TBX5: variants seen among roughly 807,000 people sequenced by gnomAD.
TBX5 encodes the protein T-box transcription factor TBX5.
TBX5 carries 8 observed loss-of-function variants against 51.1 expected under a neutral mutation model. The observed-to-expected ratio is 0.16, with a 90% CI of 0.09 to 0.28. The LOEUF is 0.28. Among genes scored for constraint, TBX5 ranks in the 10% least tolerant of loss-of-function variants. The pLI, the probability that TBX5 is intolerant of heterozygous loss-of-function variation, is 1.00. For missense variants in TBX5, 589 were observed against 671.7 expected, an observed-to-expected ratio of 0.88 and a Z score of 1.36; for synonymous variants, 302 against 266.4, an observed-to-expected ratio of 1.13 and a Z score of -1.30.
rs1868725992 is a variant in TBX5, at chr12:114,354,017, G to C, written c.*1515C>G. On this transcript the variant is annotated 3_prime_UTR_variant, in exon 9 of 9. Coordinates refer to ENST00000405440, the MANE Select transcript of TBX5 (RefSeq NM_181486.4). ...ACTTAATCCTCACCCTCCCCCCTTA[G>C]CAACGTAAAGAGACATAATCGCATA... The C allele has an allele frequency of 6.6e-6, 1 of 152,380 alleles. No homozygotes were observed. Among genetic ancestry groups the C allele is most frequent in the Non-Finnish European group, 1.5e-5 (1 of 68,010 alleles). 9.4% of individuals were successfully genotyped at this position (152,380 alleles called of 1,614,324 possible).
intron 7 of TBX5, among the ~76,000 whole-genome samples, chr12:114,368,903 G>A (rs1456023235): frequency 2.0e-5 from 3 of 151,936 alleles, no homozygotes; most frequent in Admixed American, 2.0e-4. Context: ...GGAGCCATCC[G>A]AGCAGCCGCA....
Position 114,399,983 on chromosome 12 carries a change from G to A in TBX5, c.243-351C>T, listed in dbSNP as rs150438802. 5.6e-3 allele frequency among the ~76,000 whole-genome samples: 859 copies of A among 152,312 alleles called. 3 individuals are homozygous for A. The highest frequency in any genetic ancestry group is 8.9e-3 in the Non-Finnish European group (605 of 68,040). On this transcript the variant is annotated intron_variant, in intron 3 of 8. Coordinates refer to ENST00000405440, the MANE Select transcript of TBX5 (RefSeq NM_181486.4). ...AGCCAGACACCTATTATTAATATTT[G>A]TGGGGAGAGGAGGCTTATTAGGTAC...
At chr12:114,372,479 AT>A (rs35549331) in intron 7 of TBX5, among the ~76,000 whole-genome samples, 19,530 of 144,408 alleles carry the variant, frequency 0.14, 1,395 homozygotes, top group East Asian at 0.36. Flanking sequence ...CAATAGTTGT[AT>A]TTTTTTTTTT....
At chr12:114,356,370 G>A (rs1453119703) in intron 8 of TBX5, among the ~76,000 whole-genome samples, 2 of 152,134 alleles carry the variant, frequency 1.3e-5, no homozygotes, top group Non-Finnish European at 2.9e-5. Flanking sequence ...TTCCTACAAA[G>A]GGCAGTGTTG....
intron 7 of TBX5, among the ~76,000 whole-genome samples, chr12:114,372,537 G>C (rs1004695978): frequency 1.3e-5 from 2 of 151,534 alleles, no homozygotes; most frequent in Non-Finnish European, 2.9e-5. Context: ...TTTTGATCTG[G>C]CCTCAAGTGA....
chr12:114,404,376 A>G (rs1419530860), intron 1 of TBX5, among the ~76,000 whole-genome samples: 1 of 152,198 alleles, frequency 6.6e-6, no homozygotes, highest in African/African-American at 2.4e-5. Flanking sequence ...TTTCTTCGCC[A>G]AATTACAAGA....
intron 8 of TBX5, among the ~76,000 whole-genome samples, chr12:114,362,522 T>A (rs1330799063): frequency 3.9e-5 from 6 of 152,012 alleles, no homozygotes; most frequent in Admixed American, 1.3e-4. Context: ...CCCTCACACC[T>A]CCCCCTTCTC....
chr12:114,366,088 C>T lies in TBX5; in HGVS notation c.982+77G>A, dbSNP rs538927664. ...AAATAAAGTAAATAAATGAATACTCCTCACCCCCTCACCCCCAACCCAAGG... is the reference window on the plus strand; with the variant it reads ...AAATAAAGTAAATAAATGAATACTCTTCACCCCCTCACCCCCAACCCAAGG... On this transcript the variant is annotated intron_variant, in intron 8 of 8. Coordinates refer to ENST00000405440, the MANE Select transcript of TBX5 (RefSeq NM_181486.4). 3.8e-5 allele frequency: 53 copies of T among 1,397,408 alleles called. No individual in the cohort carries two copies. The South Asian group carries it at 5.2e-4, about 14-fold the overall frequency. 86.6% of individuals were successfully genotyped at this position (1,397,408 alleles called of 1,614,324 possible). A position where few individuals can be genotyped will look rare whatever the true frequency, so the allele number is the denominator to read the frequency against.
chr12:114,395,252 C>T (rs1009014802), intron 5 of TBX5, among the ~76,000 whole-genome samples: 1 of 152,086 alleles, frequency 6.6e-6, no homozygotes, highest in East Asian at 1.9e-4. Context: ...TGGAGGGAAG[C>T]CTCAAGGGCA....
At chr12:114,359,883 G>A (rs1869138322) in intron 8 of TBX5, among the ~76,000 whole-genome samples, 1 of 152,156 alleles carries the variant, frequency 6.6e-6, no homozygotes, top group South Asian at 2.1e-4. Flanking sequence ...TGCACATAAA[G>A]CATTCAAATC....
chr12:114,364,806 A>T (rs979761263), intron 8 of TBX5, among the ~76,000 whole-genome samples: 2 of 152,178 alleles, frequency 1.3e-5, no homozygotes, highest in African/African-American at 4.8e-5. Flanking sequence ...AAAGTGAGAA[A>T]CTGAGGCTAG....
At chr12:114,370,321 G>A (rs111769133) in intron 7 of TBX5, among the ~76,000 whole-genome samples, 2 of 149,866 alleles carry the variant, frequency 1.3e-5, no homozygotes, top group African/African-American at 4.9e-5. Flanking sequence ...AGAAAGAAAA[G>A]AAAAGAAAAG....
At chr12:114,404,363 TTC>T (rs1872055087) in intron 1 of TBX5, among the ~76,000 whole-genome samples, 1 of 152,106 alleles carries the variant, frequency 6.6e-6, no homozygotes, top group African/African-American at 2.4e-5. Context: ...TTTAGAGAAT[TTC>T]TTTCTTCGCC....
At chr12:114,366,793 G>T (rs1266013884) in intron 7 of TBX5, among the ~76,000 whole-genome samples, 1 of 152,072 alleles carries the variant, frequency 6.6e-6, no homozygotes, top group Non-Finnish European at 1.5e-5. Flanking sequence ...TTAACCTGTG[G>T]GTGTCCATCT....
In TBX5 at chr12:114,370,259, AAAAGAAAAGAAAAGAAAAGAAAAGAAAAG is replaced by A; in HGVS notation, c.756-3897_756-3869del. 7.8e-5 allele frequency among the ~76,000 whole-genome samples: 10 copies of A among 128,340 alleles called. No homozygotes were observed. In the South Asian group the frequency reaches 1.1e-3, roughly 14 times the overall value. The allele number at this position is 128,340 out of a possible 152,430, so 84.2% of individuals were successfully genotyped here. On this transcript the variant is annotated intron_variant, in intron 7 of 8. Coordinates refer to ENST00000405440, the MANE Select transcript of TBX5 (RefSeq NM_181486.4). ...AAAAGAAAAGAAAAGAAAAGAAAAG[AAAAGAAAAGAAAAGAAAAGAAAAGAAAAG>A]AAAGAAAAGAAAAGAAAAGAAAAGA...
intron 1 of TBX5, among the ~76,000 whole-genome samples, chr12:114,404,927 T>G (rs1368517934): frequency 6.6e-6 from 1 of 152,226 alleles, no homozygotes; most frequent in Non-Finnish European, 1.5e-5. Flanking sequence ...CGGCCCGGGT[T>G]TGCAGGCGTA....
chr12:114,405,278 A>G (rs1036610854), intron 1 of TBX5, among the ~76,000 whole-genome samples: 2 of 151,736 alleles, frequency 1.3e-5, no homozygotes, highest in Non-Finnish European at 2.9e-5. Flanking sequence ...ACTCACAACA[A>G]AAGAAAGCAG....
intron 5 of TBX5, among the ~76,000 whole-genome samples, chr12:114,397,659 C>G (rs1022368546): frequency 2.0e-5 from 3 of 152,216 alleles, no homozygotes; most frequent in African/African-American, 7.2e-5. Flanking sequence ...ACCCTGCATT[C>G]AGTTTCAGGA....
At chr12:114,374,848 T>A (rs375080822) in intron 7 of TBX5, among the ~76,000 whole-genome samples, 6 of 152,294 alleles carry the variant, frequency 3.9e-5, no homozygotes, top group African/African-American at 1.2e-4. Flanking sequence ...ATGTCTGCAA[T>A]TTAATTTGAA....
Sources: allele counts gnomAD v4.1 joint callset (sites outside exome capture counted in the v4.1 genomes callset), GRCh38; gene constraint gnomAD v4.1.1; transcripts MANE v1.5; gene names NCBI Gene and HGNC (gene_info 2026-07-23, HGNC 2026-07-21).